Variants in TCF7L2 observed in about 807,000 individuals in gnomAD.
TCF7L2 encodes transcription factor 7 like 2.
TCF7L2 carries 23 observed loss-of-function variants against 77.9 expected under a neutral mutation model. That is an observed-to-expected ratio of 0.30 (90% CI 0.21 to 0.42). TCF7L2 has a LOEUF of 0.42. Among genes scored for constraint, TCF7L2 ranks in the 10% least tolerant of loss-of-function variants. TCF7L2 has a pLI of 1.00. For missense variants in TCF7L2, 654 were observed against 793.1 expected (o/e 0.82, Z 2.11); for synonymous variants, 413 against 340.2 (o/e 1.21, Z -2.36).
chr10:113,038,516 A>T (rs2051788286), intron 4 of TCF7L2, among the ~76,000 whole-genome samples: 2 of 152,198 alleles, frequency 1.3e-5, no homozygotes, highest in South Asian at 4.1e-4. Flanking sequence ...AAGCAGTCGT[A>T]TCTTCGAGGA....
chr10:113,154,320 G>T lies in TCF7L2; in HGVS notation c.1269+1880G>T, dbSNP rs529393180. On this transcript the variant is annotated intron_variant, in intron 11 of 13. Coordinates refer to ENST00000627217, the MANE Select transcript of TCF7L2 (RefSeq NM_001146274.2). ...AGGACAGCTGCTCTCCTGGTTTCGG[G>T]TCAGAAGTTCTTAGAGTTCATCTTG... is the stretch of plus-strand genomic sequence containing the variant. 6.6e-5 allele frequency among the ~76,000 whole-genome samples: 10 copies of T among 152,218 alleles called. No homozygotes were observed. In the South Asian group the frequency reaches 1.7e-3, roughly 25 times the overall value.
intron 5 of TCF7L2, among the ~76,000 whole-genome samples, chr10:113,128,098 A>G (rs1003407211): frequency 2.0e-5 from 3 of 151,878 alleles, no homozygotes; most frequent in Admixed American, 6.6e-5. Flanking sequence ...AGAGAAGGCA[A>G]TTAGGGGGCT....
chr10:113,047,971 T>C (rs2053752909), intron 5 of TCF7L2, among the ~76,000 whole-genome samples: 1 of 152,174 alleles, frequency 6.6e-6, no homozygotes, highest in African/African-American at 2.4e-5. Context: ...AAAAAAGGGT[T>C]CTCTCCTAAA....
intron 4 of TCF7L2, among the ~76,000 whole-genome samples, chr10:112,966,351 AT>A (rs996079676): frequency 2.6e-5 from 4 of 151,474 alleles, no homozygotes; most frequent in Middle Eastern, 3.4e-3. Flanking sequence ...TGAGGCTGCA[AT>A]TGTTCTTTTT....
rs139256601 is a variant in TCF7L2, at chr10:112,974,932, G to A, written c.450+10308G>A. On this transcript the variant is annotated intron_variant, in intron 4 of 13. Coordinates refer to ENST00000627217, the MANE Select transcript of TCF7L2 (RefSeq NM_001146274.2). ...TTCTTGAGTTTGATTTGGTTGCATG[G>A]TATCAAATCCTGATCAAACAGATAA... is the stretch of plus-strand genomic sequence containing the variant. Among the ~76,000 whole-genome samples, 6 of 151,674 alleles carry A rather than the reference G, an allele frequency of 4.0e-5. No homozygotes were observed. The East Asian group carries it at 9.7e-4, about 25-fold the overall frequency.
At chr10:113,064,361 T>G (rs972755603) in intron 5 of TCF7L2, among the ~76,000 whole-genome samples, 1 of 152,250 alleles carries the variant, frequency 6.6e-6, no homozygotes, top group Non-Finnish European at 1.5e-5. Flanking sequence ...GGCTCACATC[T>G]GCTTCTGTTT....
chr10:113,066,618 C>A (rs544820975), intron 5 of TCF7L2, among the ~76,000 whole-genome samples: 2 of 152,210 alleles, frequency 1.3e-5, no homozygotes, highest in Admixed American at 1.3e-4. Flanking sequence ...CACTTTTGAT[C>A]AAAAATGGGT....
chr10:113,101,740 G>T (rs2061659967), intron 5 of TCF7L2, among the ~76,000 whole-genome samples: 1 of 151,510 alleles, frequency 6.6e-6, no homozygotes, highest in Non-Finnish European at 1.5e-5. Context: ...CTACTTGGGA[G>T]GCTGAGGCAG....
At chr10:112,968,031 C>G (rs566305675) in intron 4 of TCF7L2, among the ~76,000 whole-genome samples, 3 of 152,288 alleles carry the variant, frequency 2.0e-5, no homozygotes, top group African/African-American at 7.2e-5. Context: ...ACATAGTACA[C>G]AGAACTTTAG....
At chr10:112,979,327 A>G (rs1337278637) in intron 4 of TCF7L2, among the ~76,000 whole-genome samples, 1 of 152,202 alleles carries the variant, frequency 6.6e-6, no homozygotes, top group Non-Finnish European at 1.5e-5. Flanking sequence ...AACTGGGGAC[A>G]GTTCATTGTA....
At chr10:112,976,238 G>A (rs2039402747) in intron 4 of TCF7L2, among the ~76,000 whole-genome samples, 1 of 152,202 alleles carries the variant, frequency 6.6e-6, no homozygotes, top group East Asian at 1.9e-4. Flanking sequence ...TACCATTGAG[G>A]ATTATGAAGT....
Position 112,951,190 on chromosome 10 carries a change from T to A in TCF7L2, c.190-17T>A. On this transcript the variant is annotated splice_polypyrimidine_tract_variant and intron_variant, in intron 1 of 13. Coordinates refer to ENST00000627217, the MANE Select transcript of TCF7L2 (RefSeq NM_001146274.2). ...GCGTTTGCCCCTCGCCCTCCCCACC[T>A]CCACCCCTCTGGGAAGGCGGAAAGA... 6.5e-7 allele frequency: 1 copy of A among 1,535,512 alleles called. No individual in the cohort carries two copies. The highest frequency in any genetic ancestry group is 8.7e-7 in the Non-Finnish European group (1 of 1,148,172).
At chr10:113,018,026 C>G (rs2047633466) in intron 4 of TCF7L2, among the ~76,000 whole-genome samples, 2 of 152,132 alleles carry the variant, frequency 1.3e-5, no homozygotes, top group Admixed American at 6.5e-5. Context: ...TCTGGGTCCC[C>G]ACAGTGGAGA....
chr10:113,099,930 A>G (rs1052073742), intron 5 of TCF7L2, among the ~76,000 whole-genome samples: 3 of 152,106 alleles, frequency 2.0e-5, no homozygotes, highest in African/African-American at 7.2e-5. Flanking sequence ...AAATCACTTC[A>G]GGATCAGGAA....
In TCF7L2 at chr10:113,042,106, A is replaced by G. The variant is rs141785916; in HGVS notation, c.552+1980A>G. 3.8e-3 allele frequency among the ~76,000 whole-genome samples: 580 copies of G among 152,350 alleles called. 4 individuals are homozygous for G. The highest frequency in any genetic ancestry group is 0.026 in the South Asian group (127 of 4,832). Reference sequence around the variant, plus strand: ...AAGATCCTCCACCTCAAATCCCACAAGAACAGTTGCCACAACCTGGGCCCT... The same window carrying G: ...AAGATCCTCCACCTCAAATCCCACAGGAACAGTTGCCACAACCTGGGCCCT... On this transcript the variant is annotated intron_variant, in intron 5 of 13. Transcript: ENST00000627217.
intron 1 of TCF7L2, 118 bp downstream of exon 1, chr10:112,951,063 T>G (rs1564697721): frequency 5.1e-6 from 7 of 1,361,318 alleles, no homozygotes; most frequent in East Asian, 5.1e-5. Context: ...GGGCGGCGTG[T>G]GCGTACGGTG....
intron 4 of TCF7L2, among the ~76,000 whole-genome samples, chr10:112,989,153 T>G (rs1307020540): frequency 6.6e-6 from 1 of 152,090 alleles, no homozygotes; most frequent in African/African-American, 2.4e-5. Flanking sequence ...AAGTGAATAA[T>G]CAGATGTAGG....
intron 5 of TCF7L2, among the ~76,000 whole-genome samples, chr10:113,091,550 C>A (rs1192383859): frequency 1.3e-5 from 2 of 152,110 alleles, no homozygotes; most frequent in South Asian, 4.1e-4. Flanking sequence ...AACCCCGTCT[C>A]TACTAAAAAT....
At chr10:113,148,734 T>C (rs1161889637) in intron 8 of TCF7L2, among the ~76,000 whole-genome samples, 1 of 152,376 alleles carries the variant, frequency 6.6e-6, no homozygotes, top group East Asian at 1.9e-4. Context: ...AATAGTAGTC[T>C]GCAGAAAGGA....
Sources: allele counts gnomAD v4.1 joint callset (sites outside exome capture counted in the v4.1 genomes callset), GRCh38; gene constraint gnomAD v4.1.1; transcripts MANE v1.5; gene names NCBI Gene and HGNC (gene_info 2026-07-23, HGNC 2026-07-21).